FOSL2: variants seen among roughly 807,000 people sequenced by gnomAD.
FOSL2 encodes FOS like 2, AP-1 transcription factor subunit.
FOSL2 carries 3 observed loss-of-function variants against 27.7 expected under a neutral mutation model. The observed-to-expected ratio is 0.11, with a 90% CI of 0.05 to 0.28. The LOEUF (loss-of-function observed/expected upper bound fraction) is 0.28, where lower values mean the gene tolerates loss of function less well. Ranked by LOEUF, FOSL2 falls within the 10% of genes least tolerant of loss-of-function variation. The pLI is 1.00. For missense variants in FOSL2, 333 were observed against 445.1 expected, an observed-to-expected ratio of 0.75 and a Z score of 2.27; for synonymous variants, 179 against 190.1, an observed-to-expected ratio of 0.94 and a Z score of 0.48.
chr2:28,406,397 A>G (rs368042665), intron 2 of FOSL2, among the ~76,000 whole-genome samples: 290 of 152,232 alleles, frequency 1.9e-3, no homozygotes, highest in African/African-American at 6.6e-3. Flanking sequence ...ACCTCACACC[A>G]AATTTAGAAA....
Position 28,393,717 on chromosome 2 carries a change from G to A in FOSL2, c.-4G>A, listed in dbSNP as rs769968360. The A allele has an allele frequency of 3.1e-6, 5 of 1,604,820 alleles. No homozygotes were observed. The highest frequency in any genetic ancestry group is 1.7e-4 in the Middle Eastern group (1 of 6,032). On this transcript the variant is annotated 5_prime_UTR_variant, in exon 1 of 4. Coordinates refer to ENST00000264716, the MANE Select transcript of FOSL2 (RefSeq NM_005253.4). The surrounding 1 kb of genome is among the most constrained non-coding windows in gnomAD (Gnocchi z 4.6). ...TGTTTCCTCTCCGGCCCCCACCGCG[G>A]ATCATGTACCAGGATTATCCCGGGA...
At chr2:28,398,127 G>A (rs953407929) in intron 1 of FOSL2, among the ~76,000 whole-genome samples, 2 of 152,166 alleles carry the variant, frequency 1.3e-5, no homozygotes, top group Non-Finnish European at 2.9e-5. Flanking sequence ...GGAGACGAAC[G>A]TTCCGGTCTA....
In FOSL2 at chr2:28,408,230, C is replaced by T. The variant is rs762464891; in HGVS notation, c.355-529C>T. 1.3e-5 allele frequency among the ~76,000 whole-genome samples: 2 copies of T among 152,190 alleles called. No individual in the cohort carries two copies. The highest frequency in any genetic ancestry group is 2.9e-5 in the Non-Finnish European group (2 of 68,034). ...TCCCATCAGCAACATAACATTCCCCCCTGGGTGGTTCTTAACCTGTGTGGG... is the reference window on the plus strand; with the variant it reads ...TCCCATCAGCAACATAACATTCCCCTCTGGGTGGTTCTTAACCTGTGTGGG... On this transcript the variant is annotated intron_variant, in intron 2 of 3. Transcript: ENST00000264716. The surrounding 1 kb of genome is among the most constrained non-coding windows in gnomAD (Gnocchi z 4.1).
chr2:28,408,883 AGGGTGGGAGCACCTCT>A lies in FOSL2; in HGVS notation c.462+25_462+40del, dbSNP rs773760979. On this transcript the variant is annotated intron_variant, in intron 3 of 3. Transcript: ENST00000264716. The surrounding 1 kb of genome is among the most constrained non-coding windows in gnomAD (Gnocchi z 4.1). ...CTGCAGGCGGTGAGGAACTCTGCGT[AGGGTGGGAGCACCTCT>A]GGGTGGGCTGGAGTGAGAGCCCCGG... is the stretch of plus-strand genomic sequence containing the variant. 2 of 1,576,572 alleles carry A rather than the reference AGGGTGGGAGCACCTCT, an allele frequency of 1.3e-6. No individual in the cohort carries two copies. The highest frequency in any genetic ancestry group is 1.8e-5 in the Admixed American group (1 of 56,126).
rs149210102 is a variant in FOSL2, at chr2:28,412,173, G to A, written c.706G>A (p.Ala236Thr). The A allele has an allele frequency of 1.9e-5, 31 of 1,607,488 alleles. No individual in the cohort carries two copies. The highest frequency in any genetic ancestry group is 2.7e-5 in the African/African-American group (2 of 74,736). Residue 236 changes from alanine (A) to threonine (T), a missense_variant, in exon 4 of 4, where the codon GCG becomes ACG. Physicochemically the swap from Ala to Thr is moderately conservative, Grantham distance 58. This residue lies in a region of FOSL2 where 136 missense variants were observed against 123.7 expected (regional missense o/e 1.10). Transcript: ENST00000264716. The surrounding 1 kb of genome is among the most constrained non-coding windows in gnomAD (Gnocchi z 7.1). ...AGAGGACAGCCCCTCGTCCTCGTCGGCGGGGCTGGACAAGGCCCAGCGCTC... is the reference window on the plus strand; with the variant it reads ...AGAGGACAGCCCCTCGTCCTCGTCGACGGGGCTGGACAAGGCCCAGCGCTC... ...LEEDSPSSSS[A>T]GLDKAQRSVI...
At chr2:28,406,025 G>C (rs980542880) in intron 2 of FOSL2, among the ~76,000 whole-genome samples, 5 of 150,450 alleles carry the variant, frequency 3.3e-5, no homozygotes, top group African/African-American at 1.2e-4. Flanking sequence ...CTGAGGATGT[G>C]CTGAATGCTC....
In FOSL2 at chr2:28,412,753, C is replaced by A. The variant is rs1368300020; in HGVS notation, c.*305C>A. ...TCTCTGGCTTCTGAAGAGCCTGAAG[C>A]TGGCCTGGACCATTCCTGTCCCTTT... On this transcript the variant is annotated 3_prime_UTR_variant, in exon 4 of 4. Coordinates refer to ENST00000264716, the MANE Select transcript of FOSL2 (RefSeq NM_005253.4). The surrounding 1 kb of genome is among the most constrained non-coding windows in gnomAD (Gnocchi z 7.1). The A allele has an allele frequency of 7.7e-6, 3 of 390,328 alleles. No individual in the cohort carries two copies. The Admixed American group carries it at 1.1e-4, about 15-fold the overall frequency. 24.2% of individuals were successfully genotyped at this position (390,328 alleles called of 1,614,324 possible). A position where few individuals can be genotyped will look rare whatever the true frequency, so the allele number is the denominator to read the frequency against.
chr2:28,406,042 CCCTTTTTTTTT>C (rs144417401), intron 2 of FOSL2, among the ~76,000 whole-genome samples: 71,070 of 148,276 alleles, frequency 0.48, 18,161 homozygotes, highest in African/African-American at 0.66. Flanking sequence ...GCTCTCCATT[CCCTTTTTTTTT>C]TTTTTTTTTT....
intron 1 of FOSL2, among the ~76,000 whole-genome samples, chr2:28,400,436 CTGAATAACACGT>C (rs1663945821): frequency 6.6e-6 from 1 of 151,992 alleles, no homozygotes; most frequent in African/African-American, 2.4e-5. Context: ...TAACACGTTT[CTGAATAACACGT>C]TTCTGAATAA....
intron 1 of FOSL2, among the ~76,000 whole-genome samples, chr2:28,396,334 A>G (rs936425903): frequency 4.6e-5 from 7 of 152,090 alleles, no homozygotes; most frequent in African/African-American, 1.7e-4. Context: ...CTGTTCTTAT[A>G]TATGGCAGGA....
rs763649226 is a variant in FOSL2 at position 28,393,702 on chromosome 2, C to G, written c.-19C>G. 17 of 1,580,942 alleles carry G rather than the reference C, an allele frequency of 1.1e-5. No individual in the cohort carries two copies. The highest frequency in any genetic ancestry group is 1.5e-5 in the Non-Finnish European group (17 of 1,157,516). ...GGAAGAAAAACACCCTGTTTCCTCT[C>G]CGGCCCCCACCGCGGATCATGTACC... On this transcript the variant is annotated 5_prime_UTR_variant, in exon 1 of 4. Coordinates refer to ENST00000264716, the MANE Select transcript of FOSL2 (RefSeq NM_005253.4). This position sits in a 1 kb window ranked among gnomAD's most constrained non-coding sequence, Gnocchi z 4.6.
chr2:28,401,858 C>T lies in FOSL2; in HGVS notation c.103-2249C>T, dbSNP rs1374806906. On this transcript the variant is annotated intron_variant, in intron 1 of 3. Transcript: ENST00000264716. ...CTATCACCCTGGGCAGCTCTCTTCA[C>T]GGGATCCCAGAATCCATTGTACTGG... Among the ~76,000 whole-genome samples the T allele has an allele frequency of 3.9e-5, 6 of 152,202 alleles. No homozygotes were observed. The East Asian group carries it at 7.7e-4, about 19-fold the overall frequency.
In FOSL2 at chr2:28,404,096, C is replaced by T. The variant is rs1163923393; in HGVS notation, c.103-11C>T. The stretch of plus-strand genomic sequence containing the variant: ...TTATTGGCTCATTTGTATTTTTTTT[C>T]CTCATTTCAGAAATTCCGGGTAGAT... On this transcript the variant is annotated splice_polypyrimidine_tract_variant and intron_variant, in intron 1 of 3. Coordinates refer to ENST00000264716, the MANE Select transcript of FOSL2 (RefSeq NM_005253.4). The surrounding 1 kb of genome is among the most constrained non-coding windows in gnomAD (Gnocchi z 4.7). 4 of 1,607,064 alleles carry T rather than the reference C, an allele frequency of 2.5e-6. No homozygotes were observed. Among genetic ancestry groups the T allele is most frequent in the African/African-American group, 2.7e-5 (2 of 74,346 alleles).
Position 28,412,184 on chromosome 2 carries a change from C to G in FOSL2, c.717C>G (p.Asp239Glu), listed in dbSNP as rs142091179. 7 of 1,609,624 alleles carry G rather than the reference C, an allele frequency of 4.3e-6. No individual in the cohort carries two copies. The African/African-American group carries it at 6.7e-5, about 15-fold the overall frequency. ...DSPSSSSAGL[D>E]KAQRSVIKPI... ...CCTCGTCCTCGTCGGCGGGGCTGGA[C>G]AAGGCCCAGCGCTCTGTCATCAAGC... The change falls in exon 4 of 4, where the codon GAC becomes GAG. Residue 239 changes from aspartate (D) to glutamate (E), a missense_variant. Physicochemically the swap from Asp to Glu is conservative, Grantham distance 45. Around this residue, in one of 4 missense-constraint regions of FOSL2, gnomAD observed 136 missense variants for 123.7 expected, o/e 1.10. Transcript: ENST00000264716. The surrounding 1 kb of genome is among the most constrained non-coding windows in gnomAD (Gnocchi z 7.1).
chr2:28,395,343 G>A (rs1380623089), intron 1 of FOSL2, among the ~76,000 whole-genome samples: 1 of 152,208 alleles, frequency 6.6e-6, no homozygotes, highest in Non-Finnish European at 1.5e-5. Context: ...ATCAGGAAGG[G>A]ATCTTTTGAT....
At position 28,417,077 on chromosome 2, in the gene FOSL2, G is replaced by A. The variant is rs1664325035; in HGVS notation, c.*4629G>A. 1 of 150,758 alleles carries A rather than the reference G, an allele frequency of 6.6e-6. No individual in the cohort carries two copies. Among genetic ancestry groups the A allele is most frequent in the Non-Finnish European group, 1.5e-5 (1 of 67,874 alleles). 9.3% of individuals were successfully genotyped at this position (150,758 alleles called of 1,614,324 possible). A position where few individuals can be genotyped will look rare whatever the true frequency, so the allele number is the denominator to read the frequency against. On this transcript the variant is annotated 3_prime_UTR_variant, in exon 4 of 4. Transcript: ENST00000264716. ...GTTTTGAAAATTGAGGAGTAGCTTT[G>A]TTTGGAAGCCTTTCTGGTGGTGGTT...
At chr2:28,411,733 A>G in intron 3 of FOSL2, 197 bp from the exon 4 acceptor site, 1 of 622,580 alleles carries the variant, frequency 1.6e-6, no homozygotes, top group East Asian at 2.7e-5. Context: ...CCCCTCTCCA[A>G]GCTGACTTTC....
chr2:28,401,219 C>T (rs959790454), intron 1 of FOSL2, among the ~76,000 whole-genome samples: 5 of 146,300 alleles, frequency 3.4e-5, no homozygotes, highest in Admixed American at 1.4e-4. Context: ...GGCTGCACAA[C>T]AGACTCTCCT....
rs937359721 is a variant in FOSL2 at position 28,413,473 on chromosome 2, C to T, written c.*1025C>T. ...ACCCTGGCTCTCAGGGTGACGCCAC[C>T]CACAGAGATTTAATGAGCGTGGGCC... is the stretch of plus-strand genomic sequence containing the variant. On this transcript the variant is annotated 3_prime_UTR_variant, in exon 4 of 4. Coordinates refer to ENST00000264716, the MANE Select transcript of FOSL2 (RefSeq NM_005253.4). The T allele has an allele frequency of 2.0e-5, 8 of 398,616 alleles. No homozygotes were observed. Among genetic ancestry groups the T allele is most frequent in the African/African-American group, 1.4e-4 (7 of 48,636 alleles). The allele number at this position is 398,616 out of a possible 1,614,324, so 24.7% of individuals were successfully genotyped here.
Sources: gnomAD v4.1 joint callset for allele counts (sites outside exome capture counted in the v4.1 genomes callset) on GRCh38, gnomAD v4.1.1 for gene constraint, gnomAD v4.1.1 regional missense constraint, Gnocchi (gnomAD v3.1) non-coding constraint, MANE v1.5 for transcripts, NCBI Gene and HGNC (gene_info 2026-07-23, HGNC 2026-07-21) for gene names.